UNC13C: variants seen among roughly 807,000 people sequenced by gnomAD.
UNC13C encodes the protein protein unc-13 homolog C.
UNC13C carries 174 observed loss-of-function variants against 245.4 expected under a neutral mutation model. The observed-to-expected ratio is 0.71, with a 90% CI of 0.63 to 0.80. The LOEUF (loss-of-function observed/expected upper bound fraction) is 0.80, where lower values mean the gene tolerates loss of function less well. Among genes scored for constraint, UNC13C ranks in the 30% least tolerant of loss-of-function variants. The probability of loss-of-function intolerance (pLI) is 0.00; values close to 1 mark genes in which losing one functional copy is unlikely to be tolerated. For synonymous variants in UNC13C, 992 were observed against 895.1 expected (o/e 1.11, Z -1.93); for missense variants, 2,829 against 2,602.9 (o/e 1.09, Z -1.89).
chr15:54,082,691 A>G (rs1007441684), intron 2 of UNC13C, among the ~76,000 whole-genome samples: 2 of 152,128 alleles, frequency 1.3e-5, no homozygotes, highest in African/African-American at 4.8e-5. Context: ...ACTCATCTTA[A>G]GGAACCGTCG....
Position 54,525,086 on chromosome 15 carries a change from A to G in UNC13C, c.5458-463A>G, listed in dbSNP as rs1421429165. Among the ~76,000 whole-genome samples the G allele has an allele frequency of 6.6e-5, 10 of 152,302 alleles. No individual in the cohort carries two copies. The East Asian group carries it at 1.9e-3, about 29-fold the overall frequency. ...GGGAAATATGAAAACACCTTTAAAT[A>G]ATGCACAACACAATATTCAAAAGTT... On this transcript the variant is annotated intron_variant, in intron 24 of 32. Coordinates refer to ENST00000260323, the MANE Select transcript of UNC13C (RefSeq NM_001080534.3).
Position 54,627,228 on chromosome 15 carries a change from G to A in UNC13C, c.*115G>A, listed in dbSNP as rs898427146. The A allele has an allele frequency of 1.9e-5, 21 of 1,104,302 alleles. No individual in the cohort carries two copies. Among genetic ancestry groups the A allele is most frequent in the Middle Eastern group, 3.0e-4 (1 of 3,358 alleles). 68.4% of individuals were successfully genotyped at this position (1,104,302 alleles called of 1,614,324 possible). Reference sequence around the variant, plus strand: ...TCAATGTTTGCCAGTACTCATGTACGATGTCTACAAGGTATGTAAAAAACC... The same window carrying A: ...TCAATGTTTGCCAGTACTCATGTACAATGTCTACAAGGTATGTAAAAAACC... On this transcript the variant is annotated 3_prime_UTR_variant, in exon 33 of 33. Coordinates refer to ENST00000260323, the MANE Select transcript of UNC13C (RefSeq NM_001080534.3).
chr15:54,406,635 A>G (rs866692894), intron 18 of UNC13C, among the ~76,000 whole-genome samples: 17 of 152,350 alleles, frequency 1.1e-4, no homozygotes, highest in Middle Eastern at 3.4e-3. Flanking sequence ...CATCAATAAC[A>G]TTGTGCCAGT....
intron 1 of UNC13C, among the ~76,000 whole-genome samples, chr15:53,991,227 T>C (rs746629124): frequency 6.6e-6 from 1 of 152,018 alleles, no homozygotes; most frequent in Non-Finnish European, 1.5e-5. Flanking sequence ...TGGGCTTTGT[T>C]GTGATAGGAA....
intron 2 of UNC13C, among the ~76,000 whole-genome samples, chr15:54,065,899 C>T (rs1220432060): frequency 6.6e-6 from 1 of 152,208 alleles, no homozygotes; most frequent in Non-Finnish European, 1.5e-5. Flanking sequence ...TAAGGAATCA[C>T]TGTACTGGCT....
intron 4 of UNC13C, among the ~76,000 whole-genome samples, chr15:54,164,837 T>A (rs547426087): frequency 1.8e-4 from 27 of 152,338 alleles, no homozygotes; most frequent in African/African-American, 6.5e-4. Flanking sequence ...AGTATTGGAA[T>A]AATTTCATCA....
intron 2 of UNC13C, among the ~76,000 whole-genome samples, chr15:54,083,113 G>C (rs1899043446): frequency 6.6e-6 from 1 of 152,158 alleles, no homozygotes; most frequent in South Asian, 2.1e-4. Flanking sequence ...CACCCTGATG[G>C]GGAGAGACTG....
chr15:54,142,512 T>G (rs2141235867), intron 2 of UNC13C, among the ~76,000 whole-genome samples: 1 of 152,306 alleles, frequency 6.6e-6, no homozygotes, highest in South Asian at 2.1e-4. Context: ...TGAGAAGCCA[T>G]AAATATATAA....
intron 19 of UNC13C, among the ~76,000 whole-genome samples, chr15:54,419,269 G>T (rs947764796): frequency 3.3e-5 from 5 of 152,104 alleles, no homozygotes; most frequent in Non-Finnish European, 7.4e-5. Context: ...TAACTGGTCA[G>T]CCACTTTCTC....
intron 2 of UNC13C, among the ~76,000 whole-genome samples, chr15:54,044,936 T>C (rs1292834302): frequency 2.0e-5 from 3 of 152,164 alleles, no homozygotes; most frequent in Non-Finnish European, 4.4e-5. Context: ...TTCTTTTTAT[T>C]GTTGAATTGT....
At chr15:54,493,121 G>A (rs1395550168) in intron 19 of UNC13C, among the ~76,000 whole-genome samples, 1 of 152,186 alleles carries the variant, frequency 6.6e-6, no homozygotes, top group Non-Finnish European at 1.5e-5. Flanking sequence ...TTTCAGGGTA[G>A]TATTGTGTGA....
the UNC13C span, chr15:53,913,080 A>G: frequency 6.6e-6 from 1 of 152,322 alleles, no homozygotes; most frequent in East Asian, 1.9e-4. Context: ...GGACTTTCAC[A>G]GTGTTGCTTC....
chr15:54,241,801 C>A (rs757567325), intron 7 of UNC13C, among the ~76,000 whole-genome samples: 1 of 152,336 alleles, frequency 6.6e-6, no homozygotes, highest in East Asian at 1.9e-4. Context: ...AGAATACATG[C>A]TGAGTCTAAT....
At chr15:54,286,312 G>A (rs973637782) in intron 10 of UNC13C, among the ~76,000 whole-genome samples, 4 of 152,148 alleles carry the variant, frequency 2.6e-5, no homozygotes, top group African/African-American at 9.6e-5. Flanking sequence ...GATTTCTAAT[G>A]GTGACAGCAC....
At chr15:53,854,786 T>G in the UNC13C span, among the ~76,000 whole-genome samples, 1 of 152,214 alleles carries the variant, frequency 6.6e-6, no homozygotes, top group Non-Finnish European at 1.5e-5. Context: ...GGGCTCTTTT[T>G]TTGTTCCATA....
chr15:54,177,309 T>C (rs1254268700), intron 4 of UNC13C, among the ~76,000 whole-genome samples: 1 of 152,124 alleles, frequency 6.6e-6, no homozygotes, highest in Non-Finnish European at 1.5e-5. Flanking sequence ...AATGACTGCA[T>C]TGATTCGTTG....
rs935151255 is a variant in UNC13C, at chr15:54,050,290, T to C, written c.2983+34404T>C. On this transcript the variant is annotated intron_variant, in intron 2 of 32. Coordinates refer to ENST00000260323, the MANE Select transcript of UNC13C (RefSeq NM_001080534.3). ...TCGGCCACTGAAGAGGTTTAATGAT[T>C]AGCTGCTTGCCTGCTGTATAAAGAA... 3 of 583,816 alleles carry C rather than the reference T, an allele frequency of 5.1e-6. No homozygotes were observed. The African/African-American group carries it at 5.7e-5, about 11-fold the overall frequency. 36.2% of individuals were successfully genotyped at this position (583,816 alleles called of 1,614,324 possible).
At chr15:54,562,010 C>A (rs1019455743) in intron 29 of UNC13C, among the ~76,000 whole-genome samples, 1 of 151,828 alleles carries the variant, frequency 6.6e-6, no homozygotes, top group Non-Finnish European at 1.5e-5. Flanking sequence ...AGCATGGTTC[C>A]ACCAAGAAAA....
intron 4 of UNC13C, among the ~76,000 whole-genome samples, chr15:54,211,744 A>G (rs2034885095): frequency 6.6e-6 from 1 of 152,128 alleles, no homozygotes; most frequent in Admixed American, 6.6e-5. Flanking sequence ...TGGGATATCC[A>G]TATTTGGCAG....
Sources: allele counts gnomAD v4.1 joint callset (sites outside exome capture counted in the v4.1 genomes callset), GRCh38; gene constraint gnomAD v4.1.1; transcripts MANE v1.5; gene names NCBI Gene and HGNC (gene_info 2026-07-23, HGNC 2026-07-21).